The following BBX variants were observed in gnomAD, a reference collection of about 807,000 sequenced individuals.
BBX encodes BBX high mobility group box domain containing.
Under a neutral mutation model 100.2 loss-of-function variants are expected in BBX, and 30 were observed. That is an observed-to-expected ratio of 0.30 (90% CI 0.22 to 0.41). The LOEUF (loss-of-function observed/expected upper bound fraction) is 0.41, where lower values mean the gene tolerates loss of function less well. Ranked by LOEUF, BBX falls within the 10% of genes least tolerant of loss-of-function variation. The probability of loss-of-function intolerance (pLI) is 1.00; values close to 1 mark genes in which losing one functional copy is unlikely to be tolerated. For synonymous variants in BBX, 376 were observed against 388.1 expected (o/e 0.97, Z 0.37); for missense variants, 1,023 against 1,129.8 (o/e 0.91, Z 1.35).
intron 13 of BBX, among the ~76,000 whole-genome samples, chr3:107,785,021 T>C (rs572407592): frequency 6.6e-5 from 10 of 151,686 alleles, no homozygotes; most frequent in South Asian, 6.2e-4. Flanking sequence ...TATAAAACAA[T>C]ACTATAAACA....
intron 3 of BBX, among the ~76,000 whole-genome samples, chr3:107,694,222 C>T (rs2060401578): frequency 1.1e-4 from 8 of 74,500 alleles, no homozygotes; most frequent in Admixed American, 3.1e-4. Context: ...CCAGAACTTC[C>T]AACACTATGT....
intron 2 of BBX, among the ~76,000 whole-genome samples, chr3:107,634,599 G>C (rs866378240): frequency 1.4e-4 from 22 of 152,258 alleles, no homozygotes; most frequent in Admixed American, 2.6e-4. Context: ...GAAACTTGTT[G>C]CTGATGAGAT....
In BBX at chr3:107,546,734, A is replaced by G. The variant is rs146254205; in HGVS notation, c.-84+20336A>G. Among the ~76,000 whole-genome samples, 148 of 152,318 alleles carry G rather than the reference A, an allele frequency of 9.7e-4. 2 individuals are homozygous for G. In the East Asian group the frequency reaches 0.027, roughly 28 times the overall value. The stretch of plus-strand genomic sequence containing the variant: ...TGCCTTTTTGATTTAAAGTGTGTGA[A>G]TTAGATATTTGATCATGATTTGGGA... On this transcript the variant is annotated intron_variant, in intron 2 of 17. Coordinates refer to ENST00000325805, the MANE Select transcript of BBX (RefSeq NM_001142568.3).
intron 15 of BBX, among the ~76,000 whole-genome samples, chr3:107,793,629 A>G (rs546322320): frequency 6.6e-6 from 1 of 152,296 alleles, no homozygotes; most frequent in Non-Finnish European, 1.5e-5. Flanking sequence ...GTATAAATAT[A>G]TGACAGAAAA....
intron 13 of BBX, among the ~76,000 whole-genome samples, chr3:107,788,690 G>C (rs138270971): frequency 0.017 from 2,612 of 152,172 alleles, 61 homozygotes; most frequent in African/African-American, 0.059. Context: ...TGGGAGGATT[G>C]CTTGAGCCCA....
intron 5 of BBX, among the ~76,000 whole-genome samples, chr3:107,725,235 T>A (rs1483158740): frequency 6.6e-6 from 1 of 152,162 alleles, no homozygotes. Context: ...ATAAGAATGC[T>A]TGTAATTTTT....
chr3:107,669,740 G>T (rs955714711), intron 3 of BBX, among the ~76,000 whole-genome samples: 1 of 152,040 alleles, frequency 6.6e-6, no homozygotes, highest in African/African-American at 2.4e-5. Context: ...TATATATGAG[G>T]TACTCTAAAA....
chr3:107,796,652 G>A (rs1186799010), intron 15 of BBX, among the ~76,000 whole-genome samples: 6 of 152,008 alleles, frequency 3.9e-5, no homozygotes, highest in Admixed American at 1.3e-4. Flanking sequence ...ATAGAATCAT[G>A]CATCTTCTTT....
At chr3:107,669,845 G>A (rs2107912094) in intron 3 of BBX, among the ~76,000 whole-genome samples, 1 of 152,240 alleles carries the variant, frequency 6.6e-6, no homozygotes, top group African/African-American at 2.4e-5. Flanking sequence ...AGGTCCTTAG[G>A]TTAGTGGTCA....
chr3:107,650,279 A>G (rs906809996), intron 3 of BBX, among the ~76,000 whole-genome samples: 4 of 152,042 alleles, frequency 2.6e-5, no homozygotes, highest in African/African-American at 9.7e-5. Flanking sequence ...TCTCATAGGA[A>G]CCTGAACCCT....
chr3:107,617,945 C>A (rs976950162), intron 2 of BBX, among the ~76,000 whole-genome samples: 1 of 151,738 alleles, frequency 6.6e-6, no homozygotes, highest in African/African-American at 2.4e-5. Context: ...TGAGACTGGC[C>A]CTTCTTGTTC....
chr3:107,578,401 C>T (rs1559832748), intron 2 of BBX, among the ~76,000 whole-genome samples: 3 of 140,644 alleles, frequency 2.1e-5, no homozygotes, highest in African/African-American at 4.9e-5. Flanking sequence ...GCAGTGAGGA[C>T]GCAGACTTGA....
At chr3:107,732,098 C>G (rs2063352682) in intron 6 of BBX, among the ~76,000 whole-genome samples, 2 of 152,068 alleles carry the variant, frequency 1.3e-5, no homozygotes, top group South Asian at 4.1e-4. Context: ...GTCATCCAGG[C>G]CTGGGGTGCA....
At chr3:107,744,581 A>G (rs762074686) in intron 7 of BBX, 49 bp from the exon 8 acceptor site, 1 of 1,430,116 alleles carries the variant, frequency 7.0e-7, no homozygotes, top group South Asian at 1.2e-5. Flanking sequence ...ATGTTTACCT[A>G]ACACAGTAAA....
At position 107,747,589 on chromosome 3, in the gene BBX, T is replaced by C. The variant is rs557344282; in HGVS notation, c.751-376T>C. Among the ~76,000 whole-genome samples the C allele has an allele frequency of 2.6e-5, 4 of 152,176 alleles. No homozygotes were observed. In the East Asian group the frequency reaches 5.8e-4, roughly 22 times the overall value. On this transcript the variant is annotated intron_variant, in intron 8 of 17. Transcript: ENST00000325805. The stretch of plus-strand genomic sequence containing the variant: ...AGAGAACAGCTTGGAAGGAGTGGTA[T>C]TGGGAAGAGAGTGAGGGAGTGGCTT...
At chr3:107,727,254 C>G (rs1163232767) in intron 5 of BBX, among the ~76,000 whole-genome samples, 2 of 152,066 alleles carry the variant, frequency 1.3e-5, no homozygotes, top group Non-Finnish European at 2.9e-5. Context: ...GATAATGATG[C>G]ATGTGTCTGC....
At chr3:107,738,842 A>G (rs1012216037) in intron 7 of BBX, among the ~76,000 whole-genome samples, 1 of 152,220 alleles carries the variant, frequency 6.6e-6, no homozygotes, top group African/African-American at 2.4e-5. Context: ...CATTCTCTCA[A>G]GAACCCTCTG....
At chr3:107,694,072 T>C in intron 3 of BBX, among the ~76,000 whole-genome samples, 1 of 136,070 alleles carries the variant, frequency 7.3e-6, no homozygotes, top group East Asian at 2.1e-4. Context: ...TGAAGTTGCT[T>C]ATCAGCTTAA....
intron 2 of BBX, among the ~76,000 whole-genome samples, chr3:107,579,275 A>G (rs1009750706): frequency 2.0e-5 from 3 of 152,306 alleles, no homozygotes; most frequent in African/African-American, 4.8e-5. Context: ...CGAATCATGC[A>G]CTGGAATTTA....
Sources: gnomAD v4.1 joint callset for allele counts (sites outside exome capture counted in the v4.1 genomes callset) on GRCh38, gnomAD v4.1.1 for gene constraint, MANE v1.5 for transcripts, NCBI Gene and HGNC (gene_info 2026-07-23, HGNC 2026-07-21) for gene names.